LYAR: variants seen among roughly 807,000 people sequenced by gnomAD.
LYAR encodes cell growth-regulating nucleolar protein.
Under a neutral mutation model 45.2 loss-of-function variants are expected in LYAR, and 37 were observed. The observed-to-expected ratio is 0.82, with a 90% confidence interval of 0.63 to 1.08. The LOEUF is 1.08. Ranked by LOEUF, LYAR falls within the 50% of genes least tolerant of loss-of-function variation. The probability of loss-of-function intolerance (pLI) is 0.00; values close to 1 mark genes in which losing one functional copy is unlikely to be tolerated. For missense variants in LYAR, 493 were observed against 451.0 expected, an observed-to-expected ratio of 1.09 and a Z score of -0.84; for synonymous variants, 176 against 155.1, an observed-to-expected ratio of 1.14 and a Z score of -1.00.
At chr4:4,269,328 G>C (rs1234483542) in intron 8 of LYAR, among the ~76,000 whole-genome samples, 1 of 152,154 alleles carries the variant, frequency 6.6e-6, no homozygotes, top group Non-Finnish European at 1.5e-5. Context: ...GAAAACTTTT[G>C]TATAATAACA....
rs1408631944 is a variant in LYAR at position 4,275,656 on chromosome 4, G to A, written c.430-887C>T. Among the ~76,000 whole-genome samples the A allele has an allele frequency of 5.9e-5, 9 of 152,018 alleles. No homozygotes were observed. The East Asian group carries it at 1.7e-3, about 29-fold the overall frequency. On this transcript the variant is annotated intron_variant, in intron 6 of 9. Coordinates refer to ENST00000343470, the MANE Select transcript of LYAR (RefSeq NM_017816.3). ...ACGGGGTCACCATTCTTTACGTATG[G>A]AGGTGTCTCTCTAATGGTTACCCCT... is the stretch of plus-strand genomic sequence containing the variant.
chr4:4,276,236 C>T (rs908556574), intron 6 of LYAR, among the ~76,000 whole-genome samples: 18 of 152,114 alleles, frequency 1.2e-4, no homozygotes, highest in African/African-American at 3.4e-4. Flanking sequence ...GTTCAAATTC[C>T]GTCTCTGTTA....
At chr4:4,283,923 A>C (rs1231722565) in intron 2 of LYAR, 128 bp from the exon 3 acceptor site, 3 of 539,652 alleles carry the variant, frequency 5.6e-6, no homozygotes, top group South Asian at 2.5e-5. Context: ...AGCAATCTAC[A>C]TAAAATTCCA....
Position 4,286,515 on chromosome 4 carries a change from T to G in LYAR, c.-54+4A>C, listed in dbSNP as rs1195462776. On this transcript the variant is annotated splice_donor_region_variant and intron_variant, in intron 2 of 9. Transcript: ENST00000343470. The stretch of plus-strand genomic sequence containing the variant: ...AAACAAAAATGTAAATACTACAAAC[T>G]TACAAAAAGCCGTCATGTAGAAATT... 6.6e-6 allele frequency: 1 copy of G among 151,980 alleles called. No individual in the cohort carries two copies. Among genetic ancestry groups the G allele is most frequent in the East Asian group, 1.9e-4 (1 of 5,190 alleles). 9.4% of individuals were successfully genotyped at this position (151,980 alleles called of 1,614,324 possible).
At chr4:4,285,514 A>C (rs1048027042) in intron 2 of LYAR, among the ~76,000 whole-genome samples, 1 of 152,226 alleles carries the variant, frequency 6.6e-6, no homozygotes, top group Non-Finnish European at 1.5e-5. Flanking sequence ...CCAACATCAC[A>C]TTCTCAAAGA....
In LYAR at chr4:4,267,958, G is replaced by T. The variant is rs760791805; in HGVS notation, c.1071C>A (p.Ile357=). 1 of 1,613,098 alleles carries T rather than the reference G, an allele frequency of 6.2e-7. No individual in the cohort carries two copies. The highest frequency in any genetic ancestry group is 1.7e-5 in the Admixed American group (1 of 59,958). Residue 357 remains isoleucine, a synonymous_variant, in exon 10 of 10, where the codon ATC becomes ATA. Coordinates refer to ENST00000343470, the MANE Select transcript of LYAR (RefSeq NM_017816.3). The stretch of plus-strand genomic sequence containing the variant: ...GGTTCTTGCTGATTTTCTTGTTAAA[G>T]ATGACCAGGAGTTCCTCTTCGGATC... The part of the protein sequence containing the change: ...HHRSEEELLV[I]FNKKISKNPT...
chr4:4,280,335 T>C (rs1719344984), intron 4 of LYAR, among the ~76,000 whole-genome samples: 1 of 152,224 alleles, frequency 6.6e-6, no homozygotes, highest in Non-Finnish European at 1.5e-5. Flanking sequence ...AAGATGTTAA[T>C]ACTACCCAAG....
Position 4,268,529 on chromosome 4 carries a change from C to G in LYAR, c.1005+1G>C. 6.2e-7 allele frequency: 1 copy of G among 1,606,426 alleles called. No individual in the cohort carries two copies. The highest frequency in any genetic ancestry group is 1.1e-5 in the South Asian group (1 of 90,458). The stretch of plus-strand genomic sequence containing the variant: ...CACGTGGGTTTGTTCATATGCCATA[C>G]CTTTTTCCTTAGCTTTTTGATGGTT... On this transcript the variant is annotated splice_donor_variant, in intron 9 of 9. Coordinates refer to ENST00000343470, the MANE Select transcript of LYAR (RefSeq NM_017816.3). LOFTEE classifies it high-confidence loss of function.
chr4:4,282,091 G>A (rs377101646), intron 3 of LYAR, among the ~76,000 whole-genome samples, 194 bp from the exon 4 acceptor site: 5 of 152,160 alleles, frequency 3.3e-5, no homozygotes, highest in South Asian at 2.1e-4. Flanking sequence ...CTCCAAAGTC[G>A]TCAATATAAA....
chr4:4,269,785 G>C (rs1276621952), intron 8 of LYAR, among the ~76,000 whole-genome samples: 1 of 152,130 alleles, frequency 6.6e-6, no homozygotes, highest in Non-Finnish European at 1.5e-5. Context: ...AGACTAGGAG[G>C]CATTTAACAT....
chr4:4,289,191 A>G (rs977724162), intron 1 of LYAR, among the ~76,000 whole-genome samples: 2 of 152,160 alleles, frequency 1.3e-5, no homozygotes, highest in Non-Finnish European at 2.9e-5. Context: ...AGGTGCACCT[A>G]TCTCCACTAA....
In LYAR at chr4:4,283,602, T is replaced by A. The variant is rs193280215; in HGVS notation, c.122+19A>T. 1.2e-6 allele frequency: 2 copies of A among 1,606,030 alleles called. No homozygotes were observed. The highest frequency in any genetic ancestry group is 1.7e-5 in the Admixed American group (1 of 59,760). ...GATCTGGATTTACTATGGATCTACA[T>A]GAATTCTGTGAAGCTTACCAGAAAT... On this transcript the variant is annotated intron_variant, in intron 3 of 9. Coordinates refer to ENST00000343470, the MANE Select transcript of LYAR (RefSeq NM_017816.3).
intron 7 of LYAR, among the ~76,000 whole-genome samples, chr4:4,273,962 T>C (rs1443651453): frequency 2.0e-5 from 3 of 152,064 alleles, no homozygotes; most frequent in Non-Finnish European, 4.4e-5. Flanking sequence ...TCTAGCTAGG[T>C]GCGGTAGCTC....
rs532101482 is a variant in LYAR, at chr4:4,285,034, C to T, written c.-53-1239G>A. 2.0e-5 allele frequency among the ~76,000 whole-genome samples: 3 copies of T among 152,330 alleles called. No homozygotes were observed. The South Asian group carries it at 6.2e-4, about 32-fold the overall frequency. On this transcript the variant is annotated intron_variant, in intron 2 of 9. Coordinates refer to ENST00000343470, the MANE Select transcript of LYAR (RefSeq NM_017816.3). ...ACGACCAAGGTTATTCATGTCCATT[C>T]AGCCTTGAATGGAAATGTACATCCT... is the stretch of plus-strand genomic sequence containing the variant.
At chr4:4,276,500 G>A (rs1486891450) in intron 6 of LYAR, among the ~76,000 whole-genome samples, 2 of 150,310 alleles carry the variant, frequency 1.3e-5, no homozygotes, top group African/African-American at 2.5e-5. Context: ...CCAAGATCAC[G>A]CCACTGCACT....
Position 4,279,513 on chromosome 4 carries a change from A to G in LYAR, c.363T>C (p.Ser121=). The G allele has an allele frequency of 6.2e-7, 1 of 1,611,822 alleles. No individual in the cohort carries two copies. Among genetic ancestry groups the G allele is most frequent in the African/African-American group, 1.3e-5 (1 of 74,986 alleles). Reference sequence around the variant, plus strand: ...GAATGGATTCATTATGAACTTTTAAACTGTTCTTCATCCAATTCTGTAAGA... The same window carrying G: ...GAATGGATTCATTATGAACTTTTAAGCTGTTCTTCATCCAATTCTGTAAGA... ...KAKFQNWMKN[S]LKVHNESILD... is the part of the protein sequence containing the mutation. Residue 121 remains serine, a synonymous_variant, in exon 6 of 10, where the codon AGT becomes AGC. Transcript: ENST00000343470.
At chr4:4,276,823 C>T (rs1039021066) in intron 6 of LYAR, among the ~76,000 whole-genome samples, 1 of 152,028 alleles carries the variant, frequency 6.6e-6, no homozygotes, top group Non-Finnish European at 1.5e-5. Context: ...TGCCACTGTA[C>T]TCCAGCCTGG....
At chr4:4,268,452 G>C in intron 9 of LYAR, 78 bp downstream of exon 9, 1 of 1,018,948 alleles carries the variant, frequency 9.8e-7, no homozygotes, top group Admixed American at 2.2e-5. Context: ...GGTGAAAAAA[G>C]AAAAAAACAA....
At chr4:4,288,404 T>C (rs985425881) in intron 1 of LYAR, among the ~76,000 whole-genome samples, 1 of 152,192 alleles carries the variant, frequency 6.6e-6, no homozygotes, top group Non-Finnish European at 1.5e-5. Flanking sequence ...TAACATGCCC[T>C]TAGGTTTGGT....
Sources: gnomAD v4.1 joint callset for allele counts (sites outside exome capture counted in the v4.1 genomes callset) on GRCh38, gnomAD v4.1.1 for gene constraint, MANE v1.5 for transcripts, NCBI Gene and HGNC (gene_info 2026-07-23, HGNC 2026-07-21) for gene names.